Variants in MYOM3 observed in about 807,000 individuals in gnomAD.
MYOM3 encodes myomesin 3.
Under a neutral mutation model 191.7 loss-of-function variants are expected in MYOM3, and 155 were observed. That is an observed-to-expected ratio of 0.81 (90% CI 0.71 to 0.92). MYOM3 has a LOEUF of 0.92. Ranked by LOEUF, MYOM3 falls within the 40% of genes least tolerant of loss-of-function variation. The probability of loss-of-function intolerance (pLI) is 0.00; values close to 1 mark genes in which losing one functional copy is unlikely to be tolerated. For missense variants in MYOM3, 1,889 were observed against 1,890.6 expected (o/e 1.00, Z 0.02); for synonymous variants, 757 against 762.9 (o/e 0.99, Z 0.13).
rs758553204 is a variant in MYOM3, at chr1:24,081,302, CT to C, written c.2407+27del. On this transcript the variant is annotated intron_variant, in intron 19 of 36. Coordinates refer to ENST00000374434, the MANE Select transcript of MYOM3 (RefSeq NM_152372.4). ...TTTGGGAAGGAGGGAAGGGCAGGCA[CT>C]GGACTTCAGGCCTGCAGGCCTCTCA... 4 of 1,611,854 alleles carry C rather than the reference CT, an allele frequency of 2.5e-6. No homozygotes were observed. The African/African-American group carries it at 5.3e-5, about 22-fold the overall frequency.
At chr1:24,090,245 C>T in intron 12 of MYOM3, 127 bp from the exon 13 acceptor site, 1 of 745,398 alleles carries the variant, frequency 1.3e-6, no homozygotes, top group Non-Finnish European at 2.3e-6. Flanking sequence ...CGCTGTGCAA[C>T]CTCAGACAGG....
intron 11 of MYOM3, 28 bp from the exon 12 acceptor site, chr1:24,091,024 C>T (rs765701637): frequency 1.2e-6 from 2 of 1,611,560 alleles, no homozygotes; most frequent in East Asian, 4.5e-5. Flanking sequence ...CCCCTTTCAG[C>T]CCCTGCCCAC....
rs1455938235 is a variant in MYOM3 at position 24,063,502 on chromosome 1, G to T, written c.3651C>A (p.Gly1217=). The change falls in exon 31 of 37, where the codon GGC becomes GGA. Residue 1217 remains glycine, a synonymous_variant. Coordinates refer to ENST00000374434, the MANE Select transcript of MYOM3 (RefSeq NM_152372.4). This position sits in a 1 kb window ranked among gnomAD's most constrained non-coding sequence, Gnocchi z 4.5. The part of the protein sequence containing the change: ...DALDAIFTEL[G]RIGALSATPL... ...AGGCAGGCTGCTTACCACCAATCCT[G>T]CCCAACTCGGTGAAGATGGCATCCA... is the stretch of plus-strand genomic sequence containing the variant. 2.2e-5 allele frequency: 36 copies of T among 1,614,044 alleles called. No homozygotes were observed. Among genetic ancestry groups the T allele is most frequent in the Non-Finnish European group, 2.8e-5 (33 of 1,180,022 alleles).
At chr1:24,098,110 C>A in intron 6 of MYOM3, 99 bp from the exon 7 acceptor site, 1 of 795,320 alleles carries the variant, frequency 1.3e-6, no homozygotes, top group Non-Finnish European at 2.2e-6. Context: ...CTAAGGAAAG[C>A]CTCACGGTGC....
chr1:24,057,660 C>T (rs1488709939), intron 36 of MYOM3, 33 bp from the exon 37 acceptor site: 2 of 1,601,630 alleles, frequency 1.2e-6, no homozygotes, highest in South Asian at 1.1e-5. Context: ...AACAGTCTCA[C>T]CTCCTTGTAA....
intron 8 of MYOM3, 81 bp from the exon 9 acceptor site, chr1:24,095,071 G>A: frequency 1.4e-6 from 2 of 1,455,882 alleles, no homozygotes; most frequent in Admixed American, 2.1e-5. Flanking sequence ...GAAATTTCTG[G>A]GGCATCCCTT....
chr1:24,056,578 AG>A lies in MYOM3; in HGVS notation c.*785del, dbSNP rs1216518525. 6.6e-6 allele frequency: 1 copy of A among 152,232 alleles called. No individual in the cohort carries two copies. Among genetic ancestry groups the A allele is most frequent in the Non-Finnish European group, 1.5e-5 (1 of 68,084 alleles). The allele number at this position is 152,232 out of a possible 1,614,324, so 9.4% of individuals were successfully genotyped here. ...GAGACCGGGTTTCGTCATGTTGGCC[AG>A]GCTGGTCTAAAACTCCTGACCTCAG... On this transcript the variant is annotated 3_prime_UTR_variant, in exon 37 of 37. Coordinates refer to ENST00000374434, the MANE Select transcript of MYOM3 (RefSeq NM_152372.4).
At chr1:24,086,953 C>T (rs1643757743) in intron 14 of MYOM3, 126 bp from the exon 15 acceptor site, 2 of 982,544 alleles carry the variant, frequency 2.0e-6, no homozygotes, top group East Asian at 2.5e-5. Context: ...GCCCAGGCTG[C>T]CCCTGAGCAT....
intron 14 of MYOM3, 139 bp from the exon 15 acceptor site, chr1:24,086,966 G>A (rs889361997): frequency 4.8e-6 from 4 of 841,208 alleles, no homozygotes; most frequent in Non-Finnish European, 3.7e-6. Flanking sequence ...CTGAGCATGG[G>A]GCTCTGCCCC....
rs1275397236 is a variant in MYOM3 at position 24,111,057 on chromosome 1, C to T, written c.-19+974G>A. Among the ~76,000 whole-genome samples, 4 of 152,250 alleles carry T rather than the reference C, an allele frequency of 2.6e-5. No homozygotes were observed. Among genetic ancestry groups the T allele is most frequent in the East Asian group, 3.9e-4 (2 of 5,194 alleles). On this transcript the variant is annotated intron_variant, in intron 1 of 36. Coordinates refer to ENST00000374434, the MANE Select transcript of MYOM3 (RefSeq NM_152372.4). The surrounding 1 kb of genome is among the most constrained non-coding windows in gnomAD (Gnocchi z 4.7). Reference sequence around the variant, plus strand: ...CCAGCAACCAGACCCCTGGCTTTAGCGGATGAGCTACCAATTCTTTTTAAA... The same window carrying T: ...CCAGCAACCAGACCCCTGGCTTTAGTGGATGAGCTACCAATTCTTTTTAAA...
chr1:24,087,984 A>T lies in MYOM3; in HGVS notation c.1615-1157T>A, dbSNP rs993378575. On this transcript the variant is annotated intron_variant, in intron 14 of 36. Coordinates refer to ENST00000374434, the MANE Select transcript of MYOM3 (RefSeq NM_152372.4). This position sits in a 1 kb window ranked among gnomAD's most constrained non-coding sequence, Gnocchi z 4.5. ...TTCAGAGAGTTTCGGTAACTTGGCC[A>T]AAAGTCCTGCATCTAATAACTGGTG... 6.6e-6 allele frequency among the ~76,000 whole-genome samples: 1 copy of T among 152,346 alleles called. No homozygotes were observed. The highest frequency in any genetic ancestry group is 2.1e-4 in the South Asian group (1 of 4,824).
At position 24,063,898 on chromosome 1, in the gene MYOM3, C is replaced by T. The variant is rs1196611036; in HGVS notation, c.3622+174G>A. On this transcript the variant is annotated intron_variant, in intron 30 of 36. Transcript: ENST00000374434. This position sits in a 1 kb window ranked among gnomAD's most constrained non-coding sequence, Gnocchi z 4.5. Reference sequence around the variant, plus strand: ...GTGAACGAGGGCATCGGAGTCACACCGACCTGGCTCCTGCCACTGACTAGA... The same window carrying T: ...GTGAACGAGGGCATCGGAGTCACACTGACCTGGCTCCTGCCACTGACTAGA... 40 of 614,580 alleles carry T rather than the reference C, an allele frequency of 6.5e-5. No individual in the cohort carries two copies. The highest frequency in any genetic ancestry group is 5.8e-4 in the South Asian group (29 of 49,824). 38.1% of individuals were successfully genotyped at this position (614,580 alleles called of 1,614,324 possible).
At chr1:24,067,305 C>CTTCT (rs1326899232) in intron 27 of MYOM3, among the ~76,000 whole-genome samples, 2 of 70,736 alleles carry the variant, frequency 2.8e-5, no homozygotes, top group Non-Finnish European at 3.1e-5. Context: ...TCTTTCTTTC[C>CTTCT]TTCTTTCTTT....
Position 24,061,258 on chromosome 1 carries a change from G to A in MYOM3, c.3971+15C>T. The A allele has an allele frequency of 6.2e-7, 1 of 1,613,976 alleles. No individual in the cohort carries two copies. The highest frequency in any genetic ancestry group is 1.1e-5 in the South Asian group (1 of 91,074). ...GGGCCTATAATTCACACTGAGAAAT[G>A]TAGAGGAAACTTACTTCAGTCTCTG... On this transcript the variant is annotated intron_variant, in intron 34 of 36. Coordinates refer to ENST00000374434, the MANE Select transcript of MYOM3 (RefSeq NM_152372.4).
chr1:24,095,339 T>C, intron 8 of MYOM3, 103 bp downstream of exon 8: 1 of 1,172,724 alleles, frequency 8.5e-7, no homozygotes, highest in Non-Finnish European at 1.2e-6. Context: ...TGGACGTCCT[T>C]TTATGGGCAG....
In MYOM3 at chr1:24,099,722, C is replaced by T. The variant is rs1404024494; in HGVS notation, c.614G>A (p.Arg205Gln). 5 of 1,613,906 alleles carry T rather than the reference C, an allele frequency of 3.1e-6. No homozygotes were observed. Among genetic ancestry groups the T allele is most frequent in the African/African-American group, 2.7e-5 (2 of 74,870 alleles). The change falls in exon 6 of 37, where the codon CGA becomes CAA. Residue 205 changes from arginine to glutamine, a missense_variant. Arg to Gln is a conservative substitution (Grantham distance 43). Coordinates refer to ENST00000374434, the MANE Select transcript of MYOM3 (RefSeq NM_152372.4). ...CAGCAGCCCGTAGTTGTTGGTGATT[C>T]GGTATTTTCCGGCACGAAAGAGGCG... is the stretch of plus-strand genomic sequence containing the variant. ...DPRLFRAGKY[R>Q]ITNNYGLLSL...
chr1:24,093,384 G>A (rs2148556717), intron 9 of MYOM3, among the ~76,000 whole-genome samples: 1 of 152,276 alleles, frequency 6.6e-6, no homozygotes, highest in Non-Finnish European at 1.5e-5. Flanking sequence ...CCAGTGACAA[G>A]GTGAGGAGTT....
chr1:24,063,461 G>A lies in MYOM3; in HGVS notation c.3661+31C>T. On this transcript the variant is annotated intron_variant, in intron 31 of 36. Coordinates refer to ENST00000374434, the MANE Select transcript of MYOM3 (RefSeq NM_152372.4). This position sits in a 1 kb window ranked among gnomAD's most constrained non-coding sequence, Gnocchi z 4.5. ...GGAGGCTGTTGGGCATCAGGGCAGG[G>A]CAGGGCTGGGCAAAGAGGCAGGCTG... 1.2e-6 allele frequency: 2 copies of A among 1,613,908 alleles called. No individual in the cohort carries two copies. The highest frequency in any genetic ancestry group is 2.2e-5 in the South Asian group (2 of 91,080).
intron 33 of MYOM3, 106 bp downstream of exon 33, chr1:24,061,839 AC>A: frequency 8.0e-7 from 1 of 1,255,396 alleles, no homozygotes; most frequent in Non-Finnish European, 1.1e-6. Flanking sequence ...CGATCCTCCC[AC>A]TTCAGCCTCC....
Sources: allele counts gnomAD v4.1 joint callset (sites outside exome capture counted in the v4.1 genomes callset), GRCh38; gene constraint gnomAD v4.1.1; non-coding constraint Gnocchi (gnomAD v3.1); transcripts MANE v1.5; gene names NCBI Gene and HGNC (gene_info 2026-07-23, HGNC 2026-07-21).